The following UCHL5 variants were observed in gnomAD, a reference collection of about 807,000 sequenced individuals.
UCHL5 encodes the protein ubiquitin C-terminal hydrolase L5.
In UCHL5, 34 loss-of-function variants were observed where a neutral mutation model predicts 53.8. The observed-to-expected ratio is 0.63, with a 90% CI of 0.48 to 0.84. UCHL5 has a LOEUF of 0.84. UCHL5 is among the 40% of genes least tolerant of loss of function. The pLI is 0.00. For synonymous variants in UCHL5, 111 were observed against 126.3 expected (o/e 0.88, Z 0.81); for missense variants, 290 against 385.6 (o/e 0.75, Z 2.08).
Position 193,029,657 on chromosome 1 carries a change from C to G in UCHL5, c.247G>C (p.Val83Leu). 1.9e-6 allele frequency: 3 copies of G among 1,585,610 alleles called. No individual in the cohort carries two copies. Among genetic ancestry groups the G allele is most frequent in the Non-Finnish European group, 1.7e-6 (2 of 1,170,010 alleles). The change falls in exon 4 of 11, where the codon GTA (valine) becomes CTA (leucine). Residue 83 changes from valine to leucine, a missense_variant and splice_region_variant. Val to Leu is a conservative substitution (Grantham distance 32, BLOSUM62 1). Coordinates refer to ENST00000367454, the MANE Select transcript of UCHL5 (RefSeq NM_001199261.3). ...TGAGTAGCACAAGCATTATTAATTACCTATAAAATATAAAAGTGAAGATAT... is the reference window on the plus strand; with the variant it reads ...TGAGTAGCACAAGCATTATTAATTAGCTATAAAATATAAAAGTGAAGATAT... ...RLDTIFFAKQ[V>L]INNACATQAI... is the part of the protein sequence containing the mutation.
rs904589210 is a variant in UCHL5 at position 193,013,719 on chromosome 1, C to T, written c.*2632G>A. ...AATGCATCTTGAAATGTTAACGTTA[C>T]AGGCAACTAGGAGGATTAATTGAAA... is the stretch of plus-strand genomic sequence containing the variant. On this transcript the variant is annotated 3_prime_UTR_variant, in exon 11 of 11. Transcript: ENST00000367454. 13 of 152,104 alleles carry T rather than the reference C, an allele frequency of 8.5e-5. No homozygotes were observed. The highest frequency in any genetic ancestry group is 3.1e-4 in the African/African-American group (13 of 41,410). 9.4% of individuals were successfully genotyped at this position (152,104 alleles called of 1,614,324 possible).
chr1:193,018,729 C>G, intron 10 of UCHL5: 1 of 1,417,528 alleles, frequency 7.1e-7, no homozygotes, highest in South Asian at 1.6e-5. Flanking sequence ...TGTAGAATCT[C>G]AGCATATAGT....
intron 9 of UCHL5, among the ~76,000 whole-genome samples, chr1:193,021,719 T>C (rs1251970553): frequency 1.3e-5 from 2 of 152,234 alleles, no homozygotes; most frequent in South Asian, 2.1e-4. Context: ...TTATATATTC[T>C]GCCTGGTAGA....
intron 1 of UCHL5, among the ~76,000 whole-genome samples, chr1:193,055,943 A>G (rs1670500609): frequency 6.6e-6 from 1 of 152,190 alleles, no homozygotes; most frequent in Non-Finnish European, 1.5e-5. Flanking sequence ...ATTTTGGAAG[A>G]GTTTATGTAG....
intron 1 of UCHL5, among the ~76,000 whole-genome samples, chr1:193,052,836 T>C (rs1262617040): frequency 2.0e-5 from 3 of 152,208 alleles, no homozygotes; most frequent in Non-Finnish European, 4.4e-5. Context: ...AAAGTGCAGC[T>C]AGTATGTGCC....
chr1:193,059,649 C>T, upstream of UCHL5: 2 of 1,387,438 alleles, frequency 1.4e-6, no homozygotes, highest in Non-Finnish European at 1.9e-6. The surrounding 1 kb of genome is among the most constrained non-coding windows in gnomAD (Gnocchi z 4.9). Context: ...TCCCCGGCGG[C>T]AGTGGGGCTG....
chr1:193,057,851 T>C (rs1424674482), intron 1 of UCHL5, among the ~76,000 whole-genome samples: 24 of 152,266 alleles, frequency 1.6e-4, no homozygotes, highest in Non-Finnish European at 1.5e-4. Flanking sequence ...ATTTTGTATA[T>C]ACTCTAACAT....
intron 6 of UCHL5, among the ~76,000 whole-genome samples, chr1:193,028,736 TTAAA>T (rs1414631742): frequency 2.6e-4 from 39 of 152,210 alleles, no homozygotes; most frequent in African/African-American, 8.9e-4. Flanking sequence ...AACGCACTAT[TTAAA>T]TAGAGAAATT....
rs776001563 is a variant in UCHL5, at chr1:193,029,219, C to T, written c.525G>A (p.Leu175=). ...CTTCTCTTAATCCATCTAATTCATACAGTCTCCCATTAACAGGAACATAAC... is the reference window on the plus strand; with the variant it reads ...CTTCTCTTAATCCATCTAATTCATATAGTCTCCCATTAACAGGAACATAAC... ...FVSYVPVNGR[L]YELDGLREGP... is the part of the protein sequence containing the mutation. Residue 175 remains leucine, a synonymous_variant, in exon 6 of 11, where the codon CTG becomes CTA. Transcript: ENST00000367454. 2 of 1,613,642 alleles carry T rather than the reference C, an allele frequency of 1.2e-6. No homozygotes were observed. Among genetic ancestry groups the T allele is most frequent in the Admixed American group, 3.3e-5 (2 of 59,982 alleles).
At chr1:193,054,676 C>T (rs942826890) in intron 1 of UCHL5, among the ~76,000 whole-genome samples, 4 of 152,160 alleles carry the variant, frequency 2.6e-5, no homozygotes, top group Admixed American at 6.5e-5. Context: ...TCCAGGGGCA[C>T]CATATGCACC....
rs376718563 is a variant in UCHL5, at chr1:193,028,906, T to C, written c.565+273A>G. ...ACGTTCACTAAGGGTAGTTTTTAAA[T>C]GTTAAATGGAAAATAAAATATAAAT... On this transcript the variant is annotated intron_variant, in intron 6 of 10. Transcript: ENST00000367454. Among the ~76,000 whole-genome samples, 23 of 152,300 alleles carry C rather than the reference T, an allele frequency of 1.5e-4. No individual in the cohort carries two copies. The South Asian group carries it at 4.6e-3, about 30-fold the overall frequency.
intron 10 of UCHL5, among the ~76,000 whole-genome samples, chr1:193,020,716 C>G (rs1656669618): frequency 6.6e-6 from 1 of 151,320 alleles, no homozygotes; most frequent in Non-Finnish European, 1.5e-5. Context: ...TTTTTAAACC[C>G]AACAATGTCC....
chr1:193,054,325 G>A (rs1013268904), intron 1 of UCHL5, among the ~76,000 whole-genome samples: 1 of 152,090 alleles, frequency 6.6e-6, no homozygotes. Flanking sequence ...TCCAACAGAC[G>A]GTTTTGACAA....
intron 3 of UCHL5, among the ~76,000 whole-genome samples, chr1:193,033,438 G>A (rs982809963): frequency 3.3e-5 from 5 of 151,868 alleles, no homozygotes; most frequent in Admixed American, 1.3e-4. Context: ...ACGATGGGTC[G>A]ATCAGTGCAG....
intron 3 of UCHL5, among the ~76,000 whole-genome samples, chr1:193,042,055 G>A (rs980106793): frequency 6.6e-6 from 1 of 151,630 alleles, no homozygotes; most frequent in African/African-American, 2.4e-5. Flanking sequence ...ACAATGAGCT[G>A]TGATCATGCC....
chr1:193,052,349 T>A (rs1383740169), intron 1 of UCHL5, among the ~76,000 whole-genome samples: 1 of 152,166 alleles, frequency 6.6e-6, no homozygotes, highest in Non-Finnish European at 1.5e-5. Context: ...GTGATTTTGT[T>A]CCCCAGGGAA....
chr1:193,049,743 T>C lies in UCHL5; in HGVS notation c.246+3A>G, dbSNP rs1668423600. 4 of 1,608,928 alleles carry C rather than the reference T, an allele frequency of 2.5e-6. No homozygotes were observed. Among genetic ancestry groups the C allele is most frequent in the Non-Finnish European group, 3.4e-6 (4 of 1,177,008 alleles). On this transcript the variant is annotated splice_donor_region_variant and intron_variant, in intron 3 of 10. Coordinates refer to ENST00000367454, the MANE Select transcript of UCHL5 (RefSeq NM_001199261.3). ...GACTTTTCAGAGTATCCAAGGACCA[T>C]ACCTGCTTAGCAAAAAATATCGTGT...
At chr1:193,059,432 G>T, upstream of UCHL5, 3 of 1,610,618 alleles carry the variant, frequency 1.9e-6, no homozygotes, top group Non-Finnish European at 1.7e-6. This position sits in a 1 kb window ranked among gnomAD's most constrained non-coding sequence, Gnocchi z 4.9. Flanking sequence ...GACTGAGCGC[G>T]GGAGGACGCT....
intron 10 of UCHL5, chr1:193,018,958 T>C (rs1655882470): frequency 1.7e-6 from 1 of 595,318 alleles, no homozygotes; most frequent in Non-Finnish European, 2.6e-6. Flanking sequence ...AAATCTAATC[T>C]TTATTCTAAC....
Sources: gnomAD v4.1 joint callset for allele counts (sites outside exome capture counted in the v4.1 genomes callset) on GRCh38, gnomAD v4.1.1 for gene constraint, Gnocchi (gnomAD v3.1) non-coding constraint, MANE v1.5 for transcripts, NCBI Gene and HGNC (gene_info 2026-07-23, HGNC 2026-07-21) for gene names.